Variants in ARHGAP26 observed in about 807,000 individuals in gnomAD.
ARHGAP26 encodes the protein Rho GTPase activating protein 26.
ARHGAP26 carries 38 observed loss-of-function variants against 104.8 expected under a neutral mutation model. That is an observed-to-expected ratio of 0.36 (90% CI 0.28 to 0.48). The LOEUF (loss-of-function observed/expected upper bound fraction) is 0.48, where lower values mean the gene tolerates loss of function less well. Ranked by LOEUF, ARHGAP26 falls within the 20% of genes least tolerant of loss-of-function variation. The pLI, the probability that ARHGAP26 is intolerant of heterozygous loss-of-function variation, is 0.99. For missense variants in ARHGAP26, 704 were observed against 947.9 expected, an observed-to-expected ratio of 0.74 and a Z score of 3.38; for synonymous variants, 341 against 340.0, an observed-to-expected ratio of 1.00 and a Z score of -0.03.
chr5:142,898,602 T>A (rs1759829911), intron 6 of ARHGAP26, among the ~76,000 whole-genome samples: 1 of 152,156 alleles, frequency 6.6e-6, no homozygotes, highest in East Asian at 1.9e-4. Flanking sequence ...ATGCACCTTC[T>A]AACACGTCAG....
rs1043000963 is a variant in ARHGAP26, at chr5:143,155,286, G to A, written c.1988+7905G>A. Among the ~76,000 whole-genome samples the A allele has an allele frequency of 3.3e-5, 5 of 152,284 alleles. No homozygotes were observed. In the South Asian group the frequency reaches 1.0e-3, roughly 32 times the overall value. On this transcript the variant is annotated intron_variant, in intron 20 of 22. Transcript: ENST00000645722. ...CTCTGTCACCTCAGGCTCCTGGGCT[G>A]TGGAGGCCACAGCTCTGCCCTGTAA...
At chr5:143,014,461 T>C (rs751263905) in intron 12 of ARHGAP26, 50 of 263,016 alleles carry the variant, frequency 1.9e-4, no homozygotes, top group Non-Finnish European at 3.1e-4. Flanking sequence ...ACTCAACTCC[T>C]GGAGAGCCTT....
chr5:143,128,925 C>T (rs1797013465), intron 18 of ARHGAP26, among the ~76,000 whole-genome samples: 1 of 152,138 alleles, frequency 6.6e-6, no homozygotes, highest in African/African-American at 2.4e-5. Flanking sequence ...CCATAAAAAT[C>T]ACAGCACATA....
At chr5:142,967,348 T>C (rs1252521674) in intron 11 of ARHGAP26, among the ~76,000 whole-genome samples, 1 of 152,182 alleles carries the variant, frequency 6.6e-6, no homozygotes, top group Non-Finnish European at 1.5e-5. Context: ...CAGTTTAACT[T>C]CTGATGGTGT....
intron 12 of ARHGAP26, among the ~76,000 whole-genome samples, chr5:143,023,747 G>A (rs7717491): frequency 0.02 from 2,971 of 152,348 alleles, 39 homozygotes; most frequent in East Asian, 0.048. Flanking sequence ...GGCCGCCTAT[G>A]CACTGGCCCA....
intron 11 of ARHGAP26, among the ~76,000 whole-genome samples, chr5:142,951,250 G>C (rs1335219782): frequency 6.6e-6 from 1 of 152,182 alleles, no homozygotes; most frequent in East Asian, 1.9e-4. Flanking sequence ...AGTAGGGATA[G>C]GGTTTCACCA....
In ARHGAP26 at chr5:143,197,968, T is replaced by C. The variant is rs118174779; in HGVS notation, c.1989-9230T>C. The stretch of plus-strand genomic sequence containing the variant: ...AAAAAGTGAATGTCTAGTCCATATC[T>C]GTACATCCAGTTCCCCACTCTCAAC... On this transcript the variant is annotated intron_variant, in intron 20 of 22. Transcript: ENST00000645722. Among the ~76,000 whole-genome samples, 269 of 152,352 alleles carry C rather than the reference T, an allele frequency of 1.8e-3. 7 individuals carry two copies. In the East Asian group the frequency reaches 0.045, roughly 26 times the overall value.
At chr5:142,799,231 C>A (rs1318555504) in intron 1 of ARHGAP26, among the ~76,000 whole-genome samples, 2 of 151,146 alleles carry the variant, frequency 1.3e-5, no homozygotes, top group South Asian at 4.2e-4. Flanking sequence ...TCTTTATTTT[C>A]TTTAGAGATA....
chr5:142,928,249 A>T (rs559789860), intron 10 of ARHGAP26, among the ~76,000 whole-genome samples: 181 of 95,558 alleles, frequency 1.9e-3, no homozygotes, highest in African/African-American at 2.6e-3. Context: ...TTTTTTTTTT[A>T]AAACTCATTG....
intron 6 of ARHGAP26, among the ~76,000 whole-genome samples, chr5:142,897,698 A>G (rs1052745590): frequency 2.0e-5 from 3 of 152,256 alleles, no homozygotes; most frequent in Admixed American, 6.5e-5. Flanking sequence ...GTACCGTGCT[A>G]AGCGCTTTAC....
intron 1 of ARHGAP26, among the ~76,000 whole-genome samples, chr5:142,852,439 C>T (rs1212387267): frequency 6.6e-6 from 1 of 152,242 alleles, no homozygotes; most frequent in Non-Finnish European, 1.5e-5. Flanking sequence ...GCAGGATCAG[C>T]AATCTTAAAA....
chr5:143,167,041 C>A (rs1412292958), intron 20 of ARHGAP26, among the ~76,000 whole-genome samples: 1 of 152,204 alleles, frequency 6.6e-6, no homozygotes, highest in African/African-American at 2.4e-5. Flanking sequence ...AATCCAGCAG[C>A]AGCTTCTTTG....
chr5:143,223,037 T>C lies in ARHGAP26; in HGVS notation c.*591T>C. The C allele has an allele frequency of 4.3e-6, 1 of 233,358 alleles. No homozygotes were observed. The highest frequency in any genetic ancestry group is 1.8e-4 in the South Asian group (1 of 5,532). 14.5% of individuals were successfully genotyped at this position (233,358 alleles called of 1,614,324 possible). A position where few individuals can be genotyped will look rare whatever the true frequency, so the allele number is the denominator to read the frequency against. On this transcript the variant is annotated 3_prime_UTR_variant, in exon 23 of 23. Transcript: ENST00000645722. ...ACCATCTCTAAAGCAGCCGTTGGCC[T>C]GTCATCAGTGAGATACAATCCAGTC...
chr5:142,992,408 A>G (rs1168550959), intron 11 of ARHGAP26, among the ~76,000 whole-genome samples: 1 of 151,624 alleles, frequency 6.6e-6, no homozygotes, highest in Non-Finnish European at 1.5e-5. Flanking sequence ...TGCAGCAGTG[A>G]TTTTTTATTT....
intron 4 of ARHGAP26, among the ~76,000 whole-genome samples, chr5:142,883,422 T>C (rs1050571788): frequency 3.9e-5 from 6 of 152,266 alleles, no homozygotes; most frequent in African/African-American, 1.4e-4. Flanking sequence ...TAATGTGTCC[T>C]CAGGCTTTTT....
intron 6 of ARHGAP26, among the ~76,000 whole-genome samples, chr5:142,898,161 TATACACACACAC>T (rs959385080): frequency 3.1e-5 from 4 of 130,730 alleles, no homozygotes; most frequent in African/African-American, 1.1e-4. Context: ...TGTATATATA[TATACACACACAC>T]ATACACACAC....
At chr5:142,946,569 A>G (rs971230178) in intron 11 of ARHGAP26, 10 of 152,228 alleles carry the variant, frequency 6.6e-5, no homozygotes, top group Non-Finnish European at 1.5e-4. Flanking sequence ...CTTATTCTCC[A>G]AAAACCAGAA....
At chr5:142,824,541 T>C (rs1766843469) in intron 1 of ARHGAP26, among the ~76,000 whole-genome samples, 1 of 152,154 alleles carries the variant, frequency 6.6e-6, no homozygotes, top group Non-Finnish European at 1.5e-5. Context: ...TTTGTTAAAT[T>C]ATTACCTGTG....
intron 17 of ARHGAP26, among the ~76,000 whole-genome samples, chr5:143,071,435 T>A (rs542282529): frequency 6.6e-5 from 10 of 152,314 alleles, no homozygotes; most frequent in Admixed American, 6.5e-4. Flanking sequence ...TGCAGAAGAA[T>A]GAAGGTAGAC....
Sources: gnomAD v4.1 joint callset for allele counts (sites outside exome capture counted in the v4.1 genomes callset) on GRCh38, gnomAD v4.1.1 for gene constraint, MANE v1.5 for transcripts, NCBI Gene and HGNC (gene_info 2026-07-23, HGNC 2026-07-21) for gene names.